Variants in MTFR1 observed in about 807,000 individuals in gnomAD.
The protein encoded by MTFR1 is mitochondrial fission regulator 1.
A neutral mutation model predicts 38.8 loss-of-function variants in MTFR1; 28 were observed. The observed-to-expected ratio is 0.72, with a 90% CI of 0.53 to 0.99. The LOEUF (loss-of-function observed/expected upper bound fraction) is 0.99, where lower values mean the gene tolerates loss of function less well. Ranked by LOEUF, MTFR1 falls within the 50% of genes least tolerant of loss-of-function variation. The pLI is 0.00. For synonymous variants in MTFR1, 145 were observed against 137.0 expected (o/e 1.06, Z -0.41); for missense variants, 358 against 395.5 (o/e 0.91, Z 0.81).
chr8:65,719,280 G>A, intron 2 of MTFR1: 1 of 1,602,080 alleles, frequency 6.2e-7, no homozygotes, highest in South Asian at 1.1e-5. Flanking sequence ...TGTCCCACTG[G>A]TTCTGGGGGT....
At chr8:65,771,656 A>T (rs1320034962), downstream of MTFR1, among the ~76,000 whole-genome samples, 1 of 152,074 alleles carries the variant, frequency 6.6e-6, no homozygotes, top group Non-Finnish European at 1.5e-5. Flanking sequence ...CGGGCGGATC[A>T]CCTGAGGTAA....
At chr8:65,659,519 C>T (rs1054285402) in intron 1 of MTFR1, among the ~76,000 whole-genome samples, 1 of 150,968 alleles carries the variant, frequency 6.6e-6, no homozygotes, top group Non-Finnish European at 1.5e-5. Flanking sequence ...TCTGAGCTGA[C>T]CTGATTGGCT....
chr8:65,650,041 G>T (rs190542446), intron 1 of MTFR1, among the ~76,000 whole-genome samples: 1 of 149,102 alleles, frequency 6.7e-6, no homozygotes, highest in East Asian at 2.0e-4. Context: ...GTTTCACTAC[G>T]TTGGCCAGAC....
intron 1 of MTFR1, among the ~76,000 whole-genome samples, chr8:65,653,832 A>C (rs543210664): frequency 6.6e-6 from 1 of 152,234 alleles, no homozygotes; most frequent in Non-Finnish European, 1.5e-5. Flanking sequence ...TGGGAGGCTA[A>C]GGTGGGAGAA....
intron 3 of MTFR1, among the ~76,000 whole-genome samples, chr8:65,745,164 C>T (rs567496947): frequency 8.5e-5 from 13 of 152,306 alleles, no homozygotes; most frequent in Admixed American, 4.6e-4. Flanking sequence ...TGCCTTTCAC[C>T]TTCCACCATG....
At chr8:65,690,833 A>G (rs1001445431) in intron 3 of MTFR1, among the ~76,000 whole-genome samples, 2 of 152,208 alleles carry the variant, frequency 1.3e-5, no homozygotes, top group Non-Finnish European at 2.9e-5. Context: ...ACACTTATAC[A>G]AAACAGCCCA....
chr8:65,715,861 G>A (rs926761370), intron 2 of MTFR1, among the ~76,000 whole-genome samples: 5 of 150,450 alleles, frequency 3.3e-5, no homozygotes, highest in East Asian at 2.0e-4. Flanking sequence ...GGTGGCGGGC[G>A]CCTGTAGTCC....
At position 65,755,022 on chromosome 8, in the gene MTFR1, TTA is replaced by T. The variant is rs1303220988; in HGVS notation, c.*49-15923_*49-15922del. 4.8e-5 allele frequency among the ~76,000 whole-genome samples: 7 copies of T among 144,622 alleles called. No individual in the cohort carries two copies. The Admixed American group carries it at 5.0e-4, about 10-fold the overall frequency. The allele number at this position is 144,622 out of a possible 152,430, so 94.9% of individuals were successfully genotyped here. A position where few individuals can be genotyped will look rare whatever the true frequency, so the allele number is the denominator to read the frequency against. On this transcript the variant is annotated intron_variant, in intron 3 of 3. Coordinates refer to the MTFR1 transcript ENST00000521247. ...ATTGCCTGTTTATTTTTTTTTTCACTTATTTTTTTTTTTTTTGAGACAGAGTC... is the reference window on the plus strand; with the variant it reads ...ATTGCCTGTTTATTTTTTTTTTCACTTTTTTTTTTTTTTTGAGACAGAGTC...
intron 3 of MTFR1, chr8:65,723,259 CAAAAGA>C: frequency 5.2e-6 from 1 of 192,208 alleles, no homozygotes; most frequent in Non-Finnish European, 1.0e-5. Flanking sequence ...CCAAATGATG[CAAAAGA>C]AGCTTCCACA....
At chr8:65,712,076 TTC>T (rs1585807004), downstream of MTFR1, among the ~76,000 whole-genome samples, 2 of 152,186 alleles carry the variant, frequency 1.3e-5, no homozygotes, top group Admixed American at 1.3e-4. Flanking sequence ...TATAAAAACA[TTC>T]TGTTAATGTT....
At chr8:65,701,501 G>A (rs1295020930) in intron 4 of MTFR1, among the ~76,000 whole-genome samples, 2 of 152,242 alleles carry the variant, frequency 1.3e-5, no homozygotes, top group Non-Finnish European at 1.5e-5. Flanking sequence ...GTTGTATCCA[G>A]TTCTTCTGTA....
chr8:65,661,368 C>G (rs1047265538), intron 1 of MTFR1, among the ~76,000 whole-genome samples: 1 of 152,162 alleles, frequency 6.6e-6, no homozygotes, highest in African/African-American at 2.4e-5. Context: ...AAAATAAACT[C>G]TGTTTTAGCC....
intron 1 of MTFR1, among the ~76,000 whole-genome samples, chr8:65,657,810 TACATA>T (rs1809309637): frequency 1.3e-5 from 2 of 152,226 alleles, no homozygotes; most frequent in African/African-American, 4.8e-5. Context: ...ATAATAATTG[TACATA>T]TTTATGGATA....
chr8:65,772,108 A>G (rs747315170), downstream of MTFR1, among the ~76,000 whole-genome samples: 11 of 152,150 alleles, frequency 7.2e-5, no homozygotes, highest in Non-Finnish European at 1.3e-4. Flanking sequence ...TAAGCAATGA[A>G]AGAACAGAAA....
At position 65,705,056 on chromosome 8, in the gene MTFR1, T is replaced by A. The variant is rs1805740975; in HGVS notation, c.517+127T>A. 6.4e-5 allele frequency: 52 copies of A among 818,512 alleles called. No homozygotes were observed. In the South Asian group the frequency reaches 8.6e-4, roughly 14 times the overall value. The allele number at this position is 818,512 out of a possible 1,614,324, so 50.7% of individuals were successfully genotyped here. On this transcript the variant is annotated intron_variant, in intron 5 of 7. Transcript: ENST00000262146. The stretch of plus-strand genomic sequence containing the variant: ...AAAACCAGGTGTCATCCAGGTACGG[T>A]GGCGCATGCCTGTAATCCCAGCACT...
At chr8:65,704,562 A>T in intron 4 of MTFR1, 132 bp from the exon 5 acceptor site, 1 of 676,360 alleles carries the variant, frequency 1.5e-6, no homozygotes, top group Non-Finnish European at 2.5e-6. Flanking sequence ...TTGTCCTTAC[A>T]CGAAGGGACT....
At chr8:65,731,353 G>T (rs1315174575) in intron 3 of MTFR1, among the ~76,000 whole-genome samples, 1 of 152,160 alleles carries the variant, frequency 6.6e-6, no homozygotes, top group Non-Finnish European at 1.5e-5. Context: ...CAACTGCCAG[G>T]GACAAGTAGA....
intron 3 of MTFR1, chr8:65,721,999 CA>C (rs1806398718): frequency 6.6e-6 from 1 of 152,060 alleles, no homozygotes; most frequent in Non-Finnish European, 1.5e-5. Flanking sequence ...CTATTTTGGC[CA>C]GGCTGGTCTC....
At chr8:65,664,213 G>A (rs912172990) in intron 1 of MTFR1, among the ~76,000 whole-genome samples, 3 of 152,162 alleles carry the variant, frequency 2.0e-5, no homozygotes, top group South Asian at 2.1e-4. Context: ...GAGCATTTAC[G>A]TGTACCTTGC....
Sources: allele counts gnomAD v4.1 joint callset (sites outside exome capture counted in the v4.1 genomes callset), GRCh38; gene constraint gnomAD v4.1.1; transcripts MANE v1.5; gene names NCBI Gene and HGNC (gene_info 2026-07-23, HGNC 2026-07-21).